VWC2L: variants seen among roughly 807,000 people sequenced by gnomAD.
VWC2L encodes von Willebrand factor C domain containing 2 like.
A neutral mutation model predicts 21.6 loss-of-function variants in VWC2L; 10 were observed. The ratio of observed to expected loss-of-function variants is 0.46; its 90% CI spans 0.29 to 0.78. The LOEUF (loss-of-function observed/expected upper bound fraction) is 0.78. Ranked by LOEUF, VWC2L falls within the 30% of genes least tolerant of loss-of-function variation. The pLI is 0.10. For synonymous variants in VWC2L, 96 were observed against 94.3 expected, an observed-to-expected ratio of 1.02 and a Z score of -0.10; for missense variants, 209 against 277.1, an observed-to-expected ratio of 0.75 and a Z score of 1.74.
intron 3 of VWC2L, among the ~76,000 whole-genome samples, chr2:214,509,198 G>T (rs1043237314): frequency 6.6e-6 from 1 of 152,046 alleles, no homozygotes; most frequent in Non-Finnish European, 1.5e-5. Context: ...TAAACTGCTC[G>T]CATCTAAACT....
At chr2:214,500,365 G>A (rs1688874844) in intron 3 of VWC2L, among the ~76,000 whole-genome samples, 1 of 152,176 alleles carries the variant, frequency 6.6e-6, no homozygotes. Flanking sequence ...ATCAGAGGCT[G>A]GTACAAGGGC....
intron 3 of VWC2L, among the ~76,000 whole-genome samples, chr2:214,502,073 GTAGT>G (rs1246575302): frequency 6.6e-6 from 1 of 152,192 alleles, no homozygotes; most frequent in Non-Finnish European, 1.5e-5. Flanking sequence ...TGTTTTGGAG[GTAGT>G]TTGTCACAGA....
chr2:214,528,975 A>G (rs1178934014), intron 3 of VWC2L, among the ~76,000 whole-genome samples: 1 of 152,158 alleles, frequency 6.6e-6, no homozygotes, highest in Non-Finnish European at 1.5e-5. Flanking sequence ...CACCTACAAA[A>G]ATAGCCATTT....
chr2:214,567,394 C>G (rs915761472), intron 3 of VWC2L, among the ~76,000 whole-genome samples: 1 of 151,998 alleles, frequency 6.6e-6, no homozygotes, highest in East Asian at 1.9e-4. Context: ...AACCACATTG[C>G]CTTCCTGGCC....
Position 214,414,390 on chromosome 2 carries a change from G to T in VWC2L, c.197G>T (p.Arg66Leu). Residue 66 changes from arginine to leucine, a missense_variant, in exon 2 of 4, where the codon CGA becomes CTA. Coordinates refer to ENST00000312504, the MANE Select transcript of VWC2L (RefSeq NM_001080500.4). ...GGCTTTGTATACAAGTTGGGAGAAC[G>T]ATTTTTCCCTGGGCATTCCAACTGT... Reference protein sequence around the residue: ...DSGFVYKLGERFFPGHSNCPC... With the variant: ...DSGFVYKLGELFFPGHSNCPC... 6.2e-7 allele frequency: 1 copy of T among 1,613,656 alleles called. No homozygotes were observed. The highest frequency in any genetic ancestry group is 1.7e-5 in the Admixed American group (1 of 59,942).
chr2:214,444,150 G>A (rs188649538), intron 3 of VWC2L, among the ~76,000 whole-genome samples: 46 of 152,132 alleles, frequency 3.0e-4, no homozygotes, highest in Non-Finnish European at 5.9e-4. Flanking sequence ...ATGAAAATTT[G>A]GTATGCAATG....
At chr2:214,514,058 G>A (rs988033967) in intron 3 of VWC2L, among the ~76,000 whole-genome samples, 4 of 152,008 alleles carry the variant, frequency 2.6e-5, no homozygotes, top group Non-Finnish European at 5.9e-5. Context: ...TGATGGTTCA[G>A]CCCATATACA....
At chr2:214,453,464 T>C (rs1703006708) in intron 3 of VWC2L, among the ~76,000 whole-genome samples, 2 of 152,236 alleles carry the variant, frequency 1.3e-5, no homozygotes, top group Admixed American at 1.3e-4. Context: ...TTTGATTTTC[T>C]ATCTGAAGTT....
chr2:214,545,755 T>C (rs1342566275), intron 3 of VWC2L, among the ~76,000 whole-genome samples: 3 of 152,172 alleles, frequency 2.0e-5, no homozygotes, highest in Non-Finnish European at 2.9e-5. Context: ...AGAAATTTCA[T>C]AGACATCCTT....
chr2:214,461,748 C>T (rs1361751920), intron 3 of VWC2L, among the ~76,000 whole-genome samples: 1 of 152,106 alleles, frequency 6.6e-6, no homozygotes, highest in African/African-American at 2.4e-5. Context: ...TGGGGCAATC[C>T]CCAGGTTCCC....
intron 3 of VWC2L, among the ~76,000 whole-genome samples, chr2:214,546,184 C>T (rs892320664): frequency 2.0e-5 from 3 of 152,116 alleles, no homozygotes; most frequent in Non-Finnish European, 2.9e-5. Context: ...TAGAGAGCTT[C>T]CTCACAGTAT....
intron 3 of VWC2L, among the ~76,000 whole-genome samples, chr2:214,515,242 C>T (rs74584511): frequency 0.028 from 4,333 of 152,258 alleles, 321 homozygotes; most frequent in East Asian, 0.25. Flanking sequence ...CAACCTCGAA[C>T]ATCCCTGCTG....
intron 3 of VWC2L, among the ~76,000 whole-genome samples, chr2:214,496,217 A>C (rs1181501550): frequency 6.7e-6 from 1 of 150,142 alleles, no homozygotes; most frequent in Non-Finnish European, 1.5e-5. Flanking sequence ...TCATAGATAA[A>C]GTACAATCAA....
intron 3 of VWC2L, among the ~76,000 whole-genome samples, chr2:214,537,211 T>C (rs1689548761): frequency 6.6e-6 from 1 of 152,082 alleles, no homozygotes; most frequent in Non-Finnish European, 1.5e-5. Flanking sequence ...AGCATAAATG[T>C]CTCTGGATCC....
At chr2:214,474,265 T>C (rs945641381) in intron 3 of VWC2L, among the ~76,000 whole-genome samples, 9 of 152,218 alleles carry the variant, frequency 5.9e-5, no homozygotes, top group African/African-American at 2.2e-4. Flanking sequence ...AAAGTTATCC[T>C]GAAAGCAAAG....
intron 3 of VWC2L, among the ~76,000 whole-genome samples, chr2:214,559,268 C>T (rs896260973): frequency 6.6e-6 from 1 of 152,106 alleles, no homozygotes; most frequent in African/African-American, 2.4e-5. Flanking sequence ...CAGAGAAATG[C>T]AAATCAAAAC....
At chr2:214,517,827 T>A (rs1223889678) in intron 3 of VWC2L, among the ~76,000 whole-genome samples, 1 of 152,038 alleles carries the variant, frequency 6.6e-6, no homozygotes, top group African/African-American at 2.4e-5. Flanking sequence ...AATAGAGAGA[T>A]GGTTTGAACT....
chr2:214,509,388 T>G (rs570080345), intron 3 of VWC2L, among the ~76,000 whole-genome samples: 1 of 152,284 alleles, frequency 6.6e-6, no homozygotes, highest in African/African-American at 2.4e-5. Flanking sequence ...TATTCTAGTC[T>G]CTAGTTTCAA....
rs548470636 is a variant in VWC2L, at chr2:214,548,320, T to A, written c.521-27352T>A. On this transcript the variant is annotated intron_variant, in intron 3 of 3. Coordinates refer to ENST00000312504, the MANE Select transcript of VWC2L (RefSeq NM_001080500.4). The stretch of plus-strand genomic sequence containing the variant: ...AAAACATTTACACAATTTAAAAAAA[T>A]TTTGTGCCAGTATTCTCTAGGATCT... Among the ~76,000 whole-genome samples the A allele has an allele frequency of 6.6e-5, 10 of 152,290 alleles. No homozygotes were observed. In the East Asian group the frequency reaches 1.7e-3, roughly 26 times the overall value.
Sources: allele counts gnomAD v4.1 joint callset (sites outside exome capture counted in the v4.1 genomes callset), GRCh38; gene constraint gnomAD v4.1.1; transcripts MANE v1.5; gene names NCBI Gene and HGNC (gene_info 2026-07-23, HGNC 2026-07-21).